Variants in SH3BP5 observed in about 807,000 individuals in gnomAD.
SH3BP5 encodes SH3 domain-binding protein 5.
Under a neutral mutation model 43.3 loss-of-function variants are expected in SH3BP5, and 22 were observed. The observed-to-expected ratio is 0.51, with a 90% CI of 0.36 to 0.73. The LOEUF is 0.73. Among genes scored for constraint, SH3BP5 ranks in the 30% least tolerant of loss-of-function variants. The probability of loss-of-function intolerance (pLI) is 0.00; values close to 1 mark genes in which losing one functional copy is unlikely to be tolerated. For missense variants in SH3BP5, 529 were observed against 586.9 expected (o/e 0.90, Z 1.02); for synonymous variants, 255 against 225.8 (o/e 1.13, Z -1.16).
intron 3 of SH3BP5, chr3:15,276,010 ACT>A (rs1263508328): frequency 9.9e-6 from 1 of 100,880 alleles, no homozygotes; most frequent in African/African-American, 4.7e-5. Flanking sequence ...ACAAAGTGAG[ACT>A]CTGTCTCAAA....
upstream of SH3BP5, chr3:15,333,339 C>A (rs936222432): frequency 8.7e-6 from 8 of 923,520 alleles, no homozygotes; most frequent in Non-Finnish European, 1.0e-5. Flanking sequence ...CAAAGGATGA[C>A]CTTGGCAAAG....
upstream of SH3BP5, among the ~76,000 whole-genome samples, chr3:15,335,792 C>T (rs1435559872): frequency 6.6e-6 from 1 of 152,050 alleles, no homozygotes; most frequent in Non-Finnish European, 1.5e-5. Context: ...AGCAAAAGGC[C>T]TGGAAGGATT....
At chr3:15,274,501 G>C (rs1459341472) in intron 3 of SH3BP5, among the ~76,000 whole-genome samples, 2 of 152,032 alleles carry the variant, frequency 1.3e-5, no homozygotes, top group South Asian at 4.2e-4. Flanking sequence ...TTGTTGGTTG[G>C]TTGGTTGTCT....
Position 15,265,512 on chromosome 3 carries a change from TCACACACACACA to T in SH3BP5, c.496-3235_496-3224del, listed in dbSNP as rs368955496. On this transcript the variant is annotated intron_variant, in intron 4 of 8. Coordinates refer to ENST00000383791, the MANE Select transcript of SH3BP5 (RefSeq NM_004844.5). ...GCCTGAGCTACAGGGCGAGACTCCG[TCACACACACACA>T]CACACACACACACACACACACACAC... Among the ~76,000 whole-genome samples, 348 of 107,980 alleles carry T rather than the reference TCACACACACACA, an allele frequency of 3.2e-3. 6 individuals are homozygous for T. Among genetic ancestry groups the T allele is most frequent in the African/African-American group, 8.8e-3 (212 of 24,114 alleles). 70.8% of individuals were successfully genotyped at this position (107,980 alleles called of 152,430 possible).
At chr3:15,294,705 G>A (rs187383256) in intron 3 of SH3BP5, among the ~76,000 whole-genome samples, 7 of 152,136 alleles carry the variant, frequency 4.6e-5, no homozygotes, top group Admixed American at 2.6e-4. Context: ...CATCATTAGC[G>A]CTCAAAAAAT....
intron 7 of SH3BP5, chr3:15,258,051 A>T (rs143748898): frequency 6.6e-6 from 1 of 152,344 alleles, no homozygotes; most frequent in East Asian, 1.9e-4. Context: ...ATATTAAAGT[A>T]CCTCATACAT....
intron 3 of SH3BP5, among the ~76,000 whole-genome samples, chr3:15,301,648 C>A (rs889151696): frequency 2.6e-5 from 4 of 151,938 alleles, no homozygotes; most frequent in South Asian, 2.1e-4. Flanking sequence ...TGAGCAGAAA[C>A]CTGAAGATGA....
chr3:15,297,004 G>C (rs571359335), intron 3 of SH3BP5, among the ~76,000 whole-genome samples: 57 of 152,178 alleles, frequency 3.7e-4, no homozygotes, highest in African/African-American at 1.3e-3. Flanking sequence ...GCCATGGCAG[G>C]CTTTCTACAA....
intron 4 of SH3BP5, among the ~76,000 whole-genome samples, chr3:15,266,902 C>T (rs7630155): frequency 0.072 from 10,930 of 152,274 alleles, 984 homozygotes; most frequent in African/African-American, 0.2. Flanking sequence ...GGGCACGTTA[C>T]GTGGGAACCC....
At chr3:15,321,396 CACA>C (rs899256961) in intron 2 of SH3BP5, among the ~76,000 whole-genome samples, 6 of 152,112 alleles carry the variant, frequency 3.9e-5, no homozygotes, top group East Asian at 1.9e-4. Flanking sequence ...CAAGCAAACC[CACA>C]ACATCAGGTT....
intron 3 of SH3BP5, among the ~76,000 whole-genome samples, chr3:15,298,018 C>T (rs181989459): frequency 1.0e-4 from 15 of 150,502 alleles, no homozygotes; most frequent in African/African-American, 3.7e-4. Context: ...ACCCTGTCCT[C>T]CAGGATGGAA....
rs56022759 is a variant in SH3BP5, at chr3:15,328,419, T to TAAAAAA, written c.201+2079_201+2084dup. Among the ~76,000 whole-genome samples, 20 of 140,288 alleles carry TAAAAAA rather than the reference T, an allele frequency of 1.4e-4. No homozygotes were observed. The South Asian group carries it at 2.1e-3, about 14-fold the overall frequency. The allele number at this position is 140,288 out of a possible 152,430, so 92.0% of individuals were successfully genotyped here. ...AGCAACTAGAATCAATCAATGCTTT[T>TAAAAAA]AAAAAAAAAAAAAAAAGACTATTTC... On this transcript the variant is annotated intron_variant, in intron 2 of 8. Transcript: ENST00000383791.
At chr3:15,296,852 T>C (rs1212067566) in intron 3 of SH3BP5, among the ~76,000 whole-genome samples, 8 of 146,544 alleles carry the variant, frequency 5.5e-5, no homozygotes, top group Non-Finnish European at 1.2e-4. Flanking sequence ...CACCACCATG[T>C]CTGGCTTCTT....
intron 4 of SH3BP5, 62 bp downstream of exon 4, chr3:15,269,651 C>G: frequency 1.4e-6 from 2 of 1,471,104 alleles, no homozygotes; most frequent in African/African-American, 2.8e-5. Context: ...TACCTCCGCT[C>G]AGGGGAAGCC....
intron 2 of SH3BP5, among the ~76,000 whole-genome samples, chr3:15,310,331 G>C (rs531805291): frequency 2.0e-5 from 3 of 152,348 alleles, no homozygotes; most frequent in Non-Finnish European, 4.4e-5. Flanking sequence ...ATAAGGAGCA[G>C]AGTCTGTGGA....
intron 8 of SH3BP5, chr3:15,256,522 G>A: frequency 4.9e-6 from 3 of 609,940 alleles, no homozygotes; most frequent in South Asian, 2.0e-5. Context: ...TCCTTGTGAT[G>A]TTTTATATAT....
Position 15,262,384 on chromosome 3 carries a change from G to A in SH3BP5, c.496-95C>T, listed in dbSNP as rs553340332. On this transcript the variant is annotated intron_variant, in intron 4 of 8. Transcript: ENST00000383791. ...ATTTTTCAAAAAATATTCTTTGCCC[G>A]GGCATGGTGACACATGTGTAATCCC... 3.6e-5 allele frequency: 52 copies of A among 1,433,984 alleles called. No individual in the cohort carries two copies. The East Asian group carries it at 9.3e-4, about 26-fold the overall frequency. 88.8% of individuals were successfully genotyped at this position (1,433,984 alleles called of 1,614,324 possible). A position where few individuals can be genotyped will look rare whatever the true frequency, so the allele number is the denominator to read the frequency against.
chr3:15,269,687 A>T (rs1270654252), intron 4 of SH3BP5, 26 bp downstream of exon 4: 1 of 1,541,270 alleles, frequency 6.5e-7, no homozygotes, highest in East Asian at 2.3e-5. Flanking sequence ...GCACACCCCC[A>T]CAGCACACCC....
At chr3:15,266,877 C>T (rs1246296157) in intron 4 of SH3BP5, among the ~76,000 whole-genome samples, 2 of 152,234 alleles carry the variant, frequency 1.3e-5, no homozygotes, top group Non-Finnish European at 2.9e-5. Context: ...TGTGAGGGGC[C>T]GCATAGATAA....
Sources: allele counts gnomAD v4.1 joint callset (sites outside exome capture counted in the v4.1 genomes callset), GRCh38; gene constraint gnomAD v4.1.1; transcripts MANE v1.5; gene names NCBI Gene and HGNC (gene_info 2026-07-23, HGNC 2026-07-21).